Variants in IGSF10 observed in about 807,000 individuals in gnomAD.
IGSF10 encodes immunoglobulin superfamily member 10.
In IGSF10, 126 loss-of-function variants were observed where a neutral mutation model predicts 128.2. The observed-to-expected ratio is 0.98, with a 90% CI of 0.85 to 1.14. The LOEUF (loss-of-function observed/expected upper bound fraction) is 1.14, where lower values mean the gene tolerates loss of function less well. IGSF10 is among the 50% of genes most tolerant of loss of function. The pLI is 0.00. For synonymous variants in IGSF10, 1,185 were observed against 1,146.2 expected (o/e 1.03, Z -0.68); for missense variants, 3,295 against 3,149.8 (o/e 1.05, Z -1.10).
the IGSF10 span, among the ~76,000 whole-genome samples, chr3:151,528,450 CCAGCA>C: frequency 6.6e-6 from 1 of 152,196 alleles, no homozygotes; most frequent in Non-Finnish European, 1.5e-5. Flanking sequence ...TCTGTAGCTC[CCAGCA>C]AGACTGATGC....
At chr3:151,598,076 T>G in the IGSF10 span, among the ~76,000 whole-genome samples, 4 of 133,716 alleles carry the variant, frequency 3.0e-5, no homozygotes, top group Admixed American at 7.8e-5. Flanking sequence ...TACTGGTGTG[T>G]GTGTGTGTGT....
upstream of IGSF10, among the ~76,000 whole-genome samples, chr3:151,463,537 TTTTTTTTTTTTTTTTTTTTTTTTTC>T (rs1478114073): frequency 2.4e-4 from 24 of 101,700 alleles, no homozygotes; most frequent in African/African-American, 7.9e-4. Flanking sequence ...TTTTTTTTTT[TTTTTTTTTTTTTTTTTTTTTTTTTC>T]TGAGACGGAG....
the IGSF10 span, among the ~76,000 whole-genome samples, chr3:151,535,448 G>T: frequency 6.6e-6 from 1 of 152,134 alleles, no homozygotes; most frequent in Non-Finnish European, 1.5e-5. Context: ...TAGACACTGG[G>T]ACTACTAGAA....
At chr3:151,503,603 T>C in the IGSF10 span, among the ~76,000 whole-genome samples, 4 of 152,028 alleles carry the variant, frequency 2.6e-5, no homozygotes, top group African/African-American at 9.7e-5. Context: ...AAAAGGATAA[T>C]TCATGACATT....
the IGSF10 span, among the ~76,000 whole-genome samples, chr3:151,475,170 A>T: frequency 6.6e-6 from 1 of 152,228 alleles, no homozygotes; most frequent in African/African-American, 2.4e-5. Flanking sequence ...GTCAGCAAGA[A>T]CATAAAGATT....
chr3:151,458,761 C>T (rs747982312), intron 2 of IGSF10, 51 bp from the exon 3 acceptor site: 2 of 1,470,718 alleles, frequency 1.4e-6, no homozygotes, highest in Admixed American at 3.6e-5. Flanking sequence ...AGCAAAGTCC[C>T]AGGACCACCA....
intron 5 of IGSF10, among the ~76,000 whole-genome samples, chr3:151,449,640 T>C (rs1721417011): frequency 6.6e-6 from 1 of 152,246 alleles, no homozygotes; most frequent in South Asian, 2.1e-4. Flanking sequence ...TAGTTCTATT[T>C]CTTCATTTTA....
chr3:151,512,108 G>C, the IGSF10 span, among the ~76,000 whole-genome samples: 1 of 152,188 alleles, frequency 6.6e-6, no homozygotes, highest in East Asian at 1.9e-4. Context: ...TCTGCACCAA[G>C]TGGACCTAAT....
chr3:151,594,614 G>A, the IGSF10 span, among the ~76,000 whole-genome samples: 1 of 147,514 alleles, frequency 6.8e-6, no homozygotes, highest in African/African-American at 2.5e-5. Flanking sequence ...GAGCCACCGC[G>A]CCCGGCCCTT....
the IGSF10 span, among the ~76,000 whole-genome samples, chr3:151,505,563 C>G: frequency 6.6e-6 from 1 of 152,130 alleles, no homozygotes; most frequent in Admixed American, 6.5e-5. Context: ...GAACGAAGTT[C>G]TTTCTGGCTT....
the IGSF10 span, among the ~76,000 whole-genome samples, chr3:151,473,014 T>C: frequency 4.8e-4 from 73 of 152,304 alleles, no homozygotes; most frequent in African/African-American, 1.7e-3. Context: ...TAAGATAAAG[T>C]TGACCAGGGA....
At chr3:151,485,575 G>T in the IGSF10 span, among the ~76,000 whole-genome samples, 47 of 152,274 alleles carry the variant, frequency 3.1e-4, no homozygotes, top group African/African-American at 1.1e-3. Flanking sequence ...TGCACAAAGG[G>T]AAGCCCATCA....
chr3:151,565,812 T>C, the IGSF10 span: 1 of 152,094 alleles, frequency 6.6e-6, no homozygotes, highest in African/African-American at 2.4e-5. Flanking sequence ...TAGTATCAGA[T>C]AGATACGAGA....
the IGSF10 span, among the ~76,000 whole-genome samples, chr3:151,514,221 A>G: frequency 6.6e-6 from 1 of 152,148 alleles, no homozygotes; most frequent in African/African-American, 2.4e-5. Flanking sequence ...ACTTCAAACT[A>G]TACTACAAGG....
intron 4 of IGSF10, among the ~76,000 whole-genome samples, chr3:151,456,425 T>C (rs573105496): frequency 2.0e-5 from 3 of 152,376 alleles, no homozygotes; most frequent in African/African-American, 4.8e-5. Context: ...TGTCATGTAT[T>C]GTTAGCGTCT....
upstream of IGSF10, among the ~76,000 whole-genome samples, chr3:151,464,796 C>T (rs1035724536): frequency 2.6e-5 from 4 of 152,062 alleles, no homozygotes; most frequent in Non-Finnish European, 5.9e-5. Context: ...CAGACTAGCA[C>T]GGTAAGTGAT....
the IGSF10 span, among the ~76,000 whole-genome samples, chr3:151,474,507 G>A: frequency 5.3e-5 from 8 of 152,282 alleles, no homozygotes; most frequent in African/African-American, 1.9e-4. Flanking sequence ...CAAGGAAAAT[G>A]AGTACCTCTT....
the IGSF10 span, among the ~76,000 whole-genome samples, chr3:151,547,419 A>AATATATATAT: frequency 2.8e-3 from 401 of 141,632 alleles, 4 homozygotes; most frequent in African/African-American, 0.01. Context: ...ATATTATATA[A>AATATATATAT]ATATATATAT....
chr3:151,555,070 T>A, the IGSF10 span, among the ~76,000 whole-genome samples: 1 of 152,132 alleles, frequency 6.6e-6, no homozygotes, highest in African/African-American at 2.4e-5. Flanking sequence ...GCATAGGCTT[T>A]AAAGTGGCAA....
Sources: gnomAD v4.1 joint callset for allele counts (sites outside exome capture counted in the v4.1 genomes callset) on GRCh38, gnomAD v4.1.1 for gene constraint, MANE v1.5 for transcripts, NCBI Gene and HGNC (gene_info 2026-07-23, HGNC 2026-07-21) for gene names.